The following SUCO variants were observed in gnomAD, a reference collection of about 807,000 sequenced individuals.
SUCO encodes the protein SUN domain containing ossification factor, also known as SUN domain-containing ossification factor.
SUCO carries 57 observed loss-of-function variants against 148.1 expected under a neutral mutation model. That is an observed-to-expected ratio of 0.38 (90% CI 0.31 to 0.48). The LOEUF (loss-of-function observed/expected upper bound fraction) is 0.48, where lower values mean the gene tolerates loss of function less well. Among genes scored for constraint, SUCO ranks in the 20% least tolerant of loss-of-function variants. The pLI, the probability that SUCO is intolerant of heterozygous loss-of-function variation, is 0.96. For synonymous variants in SUCO, 470 were observed against 502.7 expected (o/e 0.93, Z 0.87); for missense variants, 1,331 against 1,468.2 (o/e 0.91, Z 1.53).
intron 18 of SUCO, chr1:172,590,229 T>G (rs893389635): frequency 2.4e-4 from 153 of 649,760 alleles, no homozygotes; most frequent in Non-Finnish European, 2.8e-4. Flanking sequence ...AGCCACTTTT[T>G]CTGCTTGATT....
chr1:172,552,707 A>G, intron 2 of SUCO: 1 of 859,488 alleles, frequency 1.2e-6, no homozygotes, highest in East Asian at 1.2e-4. Context: ...TTTTGATTTA[A>G]TCCCCCTTTT....
chr1:172,545,177 A>G (rs1325068447), intron 1 of SUCO, among the ~76,000 whole-genome samples: 2 of 152,184 alleles, frequency 1.3e-5, no homozygotes, highest in East Asian at 3.8e-4. Context: ...AATGTATTCA[A>G]TTTTGGATTT....
Position 172,579,172 on chromosome 1 carries a change from C to A in SUCO, c.1433-30C>A, listed in dbSNP as rs111970591. On this transcript the variant is annotated intron_variant, in intron 14 of 23. Coordinates refer to ENST00000263688, the MANE Select transcript of SUCO (RefSeq NM_014283.5). ...TGTTACCATTGGAGCTAGATCTCAG[C>A]ATAATTACTTTTATTTTCGTTTTTA... 5.3e-4 allele frequency: 679 copies of A among 1,272,796 alleles called. 3 individuals carry two copies. The African/African-American group carries it at 9.1e-3, about 17-fold the overall frequency. 78.8% of individuals were successfully genotyped at this position (1,272,796 alleles called of 1,614,324 possible).
intron 17 of SUCO, among the ~76,000 whole-genome samples, chr1:172,586,259 G>A (rs1656232494): frequency 6.6e-6 from 1 of 152,052 alleles, no homozygotes; most frequent in African/African-American, 2.4e-5. Flanking sequence ...ATAGGCTTGA[G>A]GACAAATTTT....
chr1:172,533,231 A>G lies in SUCO; in HGVS notation c.-205A>G. 1 of 1,544,368 alleles carries G rather than the reference A, an allele frequency of 6.5e-7. No individual in the cohort carries two copies. Among genetic ancestry groups the G allele is most frequent in the Non-Finnish European group, 8.7e-7 (1 of 1,145,170 alleles). ...GGCGGCGGTCCCCGGAGTCCTGTGA[A>G]GCGCCCCTGTCCGCGCCTCTGTGGG... On this transcript the variant is annotated 5_prime_UTR_variant, in exon 1 of 24. Transcript: ENST00000263688.
chr1:172,592,391 A>T (rs1174556200), intron 19 of SUCO, among the ~76,000 whole-genome samples: 1 of 152,154 alleles, frequency 6.6e-6, no homozygotes, highest in African/African-American at 2.4e-5. Context: ...GTTTTCTTCT[A>T]GGGTTTTTAT....
upstream of SUCO, chr1:172,532,837 C>T: frequency 6.5e-7 from 1 of 1,548,312 alleles, no homozygotes; most frequent in South Asian, 1.2e-5. Context: ...GATCACTGGG[C>T]TCCTCCCGGC....
intron 6 of SUCO, among the ~76,000 whole-genome samples, chr1:172,561,877 A>G (rs1654183533): frequency 6.6e-6 from 1 of 152,142 alleles, no homozygotes; most frequent in Non-Finnish European, 1.5e-5. Context: ...TGCCATTAAC[A>G]TTGCATCCAG....
upstream of SUCO, chr1:172,532,653 A>G: frequency 1.2e-6 from 2 of 1,614,068 alleles, no homozygotes; most frequent in Non-Finnish European, 1.7e-6. Flanking sequence ...AAAGCTGATC[A>G]GTCTCGTGGT....
At chr1:172,551,386 T>C in intron 1 of SUCO, 126 bp from the exon 2 acceptor site, 1 of 541,546 alleles carries the variant, frequency 1.8e-6, no homozygotes, top group East Asian at 3.1e-5. Flanking sequence ...GGTATTAGGA[T>C]AGGAACCATC....
chr1:172,602,677 A>G lies in SUCO; in HGVS notation c.3174-19A>G. On this transcript the variant is annotated intron_variant, in intron 21 of 23. Coordinates refer to ENST00000263688, the MANE Select transcript of SUCO (RefSeq NM_014283.5). Reference sequence around the variant, plus strand: ...GCTTTACTCGTTGTAACCAATATGTATTTTTCCTAATGTGTTAGGTGTTTC... The same window carrying G: ...GCTTTACTCGTTGTAACCAATATGTGTTTTTCCTAATGTGTTAGGTGTTTC... 6.2e-7 allele frequency: 1 copy of G among 1,607,984 alleles called. No individual in the cohort carries two copies. The highest frequency in any genetic ancestry group is 1.1e-5 in the South Asian group (1 of 89,974).
intron 1 of SUCO, chr1:172,544,013 G>C (rs1475601840): frequency 5.5e-6 from 1 of 182,918 alleles, no homozygotes; most frequent in African/African-American, 2.4e-5. Context: ...ACCAGTGTTT[G>C]ACCAAAATGG....
chr1:172,532,554 G>A, upstream of SUCO: 1 of 1,613,832 alleles, frequency 6.2e-7, no homozygotes, highest in African/African-American at 1.3e-5. Context: ...ACAGGGAAAG[G>A]GCTTGGTGCA....
intron 4 of SUCO, 143 bp downstream of exon 4, chr1:172,556,166 T>C: frequency 1.7e-6 from 1 of 605,198 alleles, no homozygotes; most frequent in Non-Finnish European, 2.9e-6. Context: ...TTGTGTTTTG[T>C]GTGCGTATGT....
intron 23 of SUCO, chr1:172,609,216 C>CT (rs1172500704): frequency 2.5e-6 from 2 of 810,992 alleles, no homozygotes; most frequent in Admixed American, 6.7e-5. Context: ...ATGTTATCCT[C>CT]ATTTTTTTTT....
chr1:172,550,702 CTTTTAG>C, intron 1 of SUCO: 1 of 161,014 alleles, frequency 6.2e-6, no homozygotes, highest in Non-Finnish European at 1.3e-5. Flanking sequence ...ATAATACTGA[CTTTTAG>C]TTTTATGTAT....
At position 172,551,534 on chromosome 1, in the gene SUCO, T is replaced by TGTAAA; in HGVS notation, c.87_91dup (p.Glu31ValfsTer21). On this transcript the variant is annotated frameshift_variant, in exon 2 of 24. Transcript: ENST00000263688. LOFTEE classifies it high-confidence loss of function. ...CAGGCTTCCCAGCTGGCGTGTATGT[T>TGTAAA]GTAAAGAGAGTTCTTCAGCTTCAGC... 1.2e-6 allele frequency: 2 copies of TGTAAA among 1,609,302 alleles called. No individual in the cohort carries two copies. The highest frequency in any genetic ancestry group is 1.7e-6 in the Non-Finnish European group (2 of 1,177,570).
intron 19 of SUCO, among the ~76,000 whole-genome samples, chr1:172,592,709 A>G (rs374823974): frequency 6.6e-6 from 1 of 152,114 alleles, no homozygotes; most frequent in Non-Finnish European, 1.5e-5. Context: ...GTCAGGTAGC[A>G]TGATGCCTCC....
chr1:172,565,327 G>A (rs920386634), intron 6 of SUCO, among the ~76,000 whole-genome samples: 1 of 152,150 alleles, frequency 6.6e-6, no homozygotes, highest in African/African-American at 2.4e-5. Flanking sequence ...GCAGTTACAA[G>A]CAAAGCAGTT....
Sources: allele counts gnomAD v4.1 joint callset (sites outside exome capture counted in the v4.1 genomes callset), GRCh38; gene constraint gnomAD v4.1.1; transcripts MANE v1.5; gene names NCBI Gene and HGNC (gene_info 2026-07-23, HGNC 2026-07-21).